The following PACS2 variants were observed in gnomAD, a reference collection of about 807,000 sequenced individuals.
The protein encoded by PACS2 is phosphofurin acidic cluster sorting protein 2.
PACS2 carries 36 observed loss-of-function variants against 113.0 expected under a neutral mutation model. That is an observed-to-expected ratio of 0.32 (90% confidence interval 0.24 to 0.42). The LOEUF is 0.42. PACS2 is among the 10% of genes least tolerant of loss of function. The pLI, the probability that PACS2 is intolerant of heterozygous loss-of-function variation, is 1.00. For missense variants in PACS2, 1,015 were observed against 1,239.5 expected (o/e 0.82, Z 2.72); for synonymous variants, 589 against 536.1 (o/e 1.10, Z -1.36).
intron 4 of PACS2, among the ~76,000 whole-genome samples, chr14:105,362,432 A>T (rs1438575766): frequency 1.3e-5 from 2 of 150,038 alleles, no homozygotes; most frequent in East Asian, 3.9e-4. Context: ...AAAAAAAAAG[A>T]AAAGAAAAAA....
intron 1 of PACS2, among the ~76,000 whole-genome samples, chr14:105,304,792 G>GGA (rs753872852): frequency 1.2e-4 from 18 of 152,326 alleles, no homozygotes; most frequent in South Asian, 2.1e-4. Flanking sequence ...ATGGCAGCAG[G>GGA]GAGAGAGAGA....
At chr14:105,302,104 A>C (rs925585847) in intron 1 of PACS2, among the ~76,000 whole-genome samples, 1 of 150,708 alleles carries the variant, frequency 6.6e-6, no homozygotes, top group Admixed American at 6.7e-5. Context: ...CCGCCATTGC[A>C]CTCCAGCCTG....
chr14:105,375,892 AGTGG>A (rs1363459075), intron 8 of PACS2, among the ~76,000 whole-genome samples: 1 of 152,184 alleles, frequency 6.6e-6, no homozygotes, highest in African/African-American at 2.4e-5. Context: ...CCACCCACTC[AGTGG>A]CGCACTGCAG....
chr14:105,308,185 C>G (rs587693371), intron 1 of PACS2, among the ~76,000 whole-genome samples: 1 of 150,968 alleles, frequency 6.6e-6, no homozygotes, highest in Non-Finnish European at 1.5e-5. Context: ...TCTGTCCCCC[C>G]CAAAAAAACA....
intron 22 of PACS2, chr14:105,392,010 G>A (rs1160923864): frequency 3.7e-6 from 2 of 543,170 alleles, no homozygotes; most frequent in Non-Finnish European, 6.5e-6. Flanking sequence ...TGGGCGTTGT[G>A]CTGGGCTGTC....
At position 105,382,011 on chromosome 14, in the gene PACS2, AAC is replaced by A; in HGVS notation, c.1367_1368del (p.Asn456ArgfsTer23). 6.5e-7 allele frequency: 1 copy of A among 1,550,100 alleles called. No homozygotes were observed. The highest frequency in any genetic ancestry group is 8.7e-7 in the Non-Finnish European group (1 of 1,147,228). On this transcript the variant is annotated frameshift_variant, in exon 13 of 25. Transcript: ENST00000447393. LOFTEE classifies it high-confidence loss of function. The part of the protein sequence containing the change: ...PQNERANSLD[N>X]ERCPDARSQL... ...GAATGAGCGGGCCAACAGCCTGGAC[AAC>A]GAGCGCTGCCCGGACGCCCGGAGCC...
Position 105,366,286 on chromosome 14 carries a change from T to G in PACS2, c.424-927T>G, listed in dbSNP as rs587617142. On this transcript the variant is annotated intron_variant, in intron 4 of 24. Transcript: ENST00000447393. The surrounding 1 kb of genome is among the most constrained non-coding windows in gnomAD (Gnocchi z 4.3). ...TCACTTGAACCCAGGAGGCGGAGGTTGCAGTGAGCCAAGATCGCACCATTG... is the reference window on the plus strand; with the variant it reads ...TCACTTGAACCCAGGAGGCGGAGGTGGCAGTGAGCCAAGATCGCACCATTG... 6.6e-6 allele frequency among the ~76,000 whole-genome samples: 1 copy of G among 152,330 alleles called. No homozygotes were observed. Among genetic ancestry groups the G allele is most frequent in the Non-Finnish European group, 1.5e-5 (1 of 68,032 alleles).
At chr14:105,342,201 T>G (rs1433442603) in intron 1 of PACS2, among the ~76,000 whole-genome samples, 1 of 152,110 alleles carries the variant, frequency 6.6e-6, no homozygotes, top group African/African-American at 2.4e-5. Flanking sequence ...TTACAATTAG[T>G]TCATCCACAG....
At chr14:105,334,819 G>C (rs1028595235) in intron 1 of PACS2, among the ~76,000 whole-genome samples, 4 of 147,914 alleles carry the variant, frequency 2.7e-5, no homozygotes, top group South Asian at 2.1e-4. Context: ...CGTGCACTGC[G>C]GGGGGGAGCT....
rs915460815 is a variant in PACS2 at position 105,353,782 on chromosome 14, C to T, written c.298-1270C>T. ...CTATTTTTCGTATCTTTAGTTGAGA[C>T]GGGGTTTCACCATGTCGGCCAGGCT... On this transcript the variant is annotated intron_variant, in intron 3 of 24. Coordinates refer to ENST00000447393, the MANE Select transcript of PACS2 (RefSeq NM_001100913.3). Among the ~76,000 whole-genome samples the T allele has an allele frequency of 6.6e-5, 10 of 152,032 alleles. No individual in the cohort carries two copies. In the South Asian group the frequency reaches 1.9e-3, roughly 28 times the overall value.
chr14:105,325,656 A>G (rs1158429264), intron 1 of PACS2, among the ~76,000 whole-genome samples: 1 of 152,228 alleles, frequency 6.6e-6, no homozygotes, highest in African/African-American at 2.4e-5. Context: ...CTTCCCCAGG[A>G]TGCCTTTCAT....
intron 1 of PACS2, among the ~76,000 whole-genome samples, chr14:105,335,054 G>A (rs1185120440): frequency 6.6e-6 from 1 of 152,262 alleles, no homozygotes; most frequent in Admixed American, 6.5e-5. Context: ...TGAGACAGAA[G>A]TACAGGCCCA....
Position 105,379,779 on chromosome 14 carries a change from G to A in PACS2, c.1000G>A (p.Glu334Lys), listed in dbSNP as rs1555411441. The change falls in exon 10 of 25, where the codon GAG (glutamate) becomes AAG (lysine). Residue 334 changes from glutamate to lysine, a missense_variant. Coordinates refer to ENST00000447393, the MANE Select transcript of PACS2 (RefSeq NM_001100913.3). Reference sequence around the variant, plus strand: ...CCTGTCGCACTCGAGCTCGCAGACGGAGATTGGGAGCATCCACAGCGCCCG... The same window carrying A: ...CCTGTCGCACTCGAGCTCGCAGACGAAGATTGGGAGCATCCACAGCGCCCG... ...EGLSHSSSQT[E>K]IGSIHSARSH... 1.2e-6 allele frequency: 2 copies of A among 1,613,536 alleles called. No homozygotes were observed. Among genetic ancestry groups the A allele is most frequent in the South Asian group, 1.1e-5 (1 of 91,084 alleles).
chr14:105,326,096 T>A (rs1394102296), intron 1 of PACS2, among the ~76,000 whole-genome samples: 1 of 152,252 alleles, frequency 6.6e-6, no homozygotes, highest in Non-Finnish European at 1.5e-5. Context: ...TTCCCTCTTT[T>A]TAGATGCAAA....
In PACS2 at chr14:105,353,193, CA is replaced by C. The variant is rs1430637702; in HGVS notation, c.297+728del. Among the ~76,000 whole-genome samples, 150 of 125,252 alleles carry C rather than the reference CA, an allele frequency of 1.2e-3. 1 individual carries two copies. The highest frequency in any genetic ancestry group is 4.1e-3 in the African/African-American group (134 of 32,392). 82.2% of individuals were successfully genotyped at this position (125,252 alleles called of 152,430 possible). On this transcript the variant is annotated intron_variant, in intron 3 of 24. Transcript: ENST00000447393. The stretch of plus-strand genomic sequence containing the variant: ...TGTCCCCTGGGGTGACGGGCCCCCC[CA>C]ATCACTGTCCCCTGGGGTGATGGGC...
At chr14:105,350,307 A>G (rs992853018) in intron 2 of PACS2, among the ~76,000 whole-genome samples, 2 of 151,818 alleles carry the variant, frequency 1.3e-5, no homozygotes, top group Admixed American at 1.3e-4. Context: ...GCAAGAGTCG[A>G]CCCCTCACTG....
intron 1 of PACS2, among the ~76,000 whole-genome samples, chr14:105,333,431 C>A (rs1435055134): frequency 6.6e-6 from 1 of 152,210 alleles, no homozygotes; most frequent in Admixed American, 6.5e-5. Context: ...CTGGACAGAC[C>A]CTCCTGGAAG....
intron 4 of PACS2, among the ~76,000 whole-genome samples, chr14:105,361,063 ACTTC>A (rs1334946167): frequency 6.6e-6 from 1 of 152,196 alleles, no homozygotes; most frequent in Admixed American, 6.5e-5. Flanking sequence ...CCACATGTGC[ACTTC>A]CTTCCTGCAC....
At chr14:105,331,095 C>A (rs146714671) in intron 1 of PACS2, among the ~76,000 whole-genome samples, 2 of 152,070 alleles carry the variant, frequency 1.3e-5, no homozygotes, top group African/African-American at 2.4e-5. Context: ...GCTGGGATTA[C>A]AGGCATGCAC....
Sources: gnomAD v4.1 joint callset for allele counts (sites outside exome capture counted in the v4.1 genomes callset) on GRCh38, gnomAD v4.1.1 for gene constraint, Gnocchi (gnomAD v3.1) non-coding constraint, MANE v1.5 for transcripts, NCBI Gene and HGNC (gene_info 2026-07-23, HGNC 2026-07-21) for gene names.